TTC34: variants seen among roughly 807,000 people sequenced by gnomAD.
TTC34 encodes the protein tetratricopeptide repeat domain 34, also known as tetratricopeptide repeat protein 34.
Under a neutral mutation model 40.7 loss-of-function variants are expected in TTC34, and 44 were observed. The observed-to-expected ratio is 1.08, with a 90% CI of 0.85 to 1.39. The LOEUF is 1.39. Among genes scored for constraint, TTC34 ranks in the 40% most tolerant of loss-of-function variants. The pLI is 0.00. For missense variants in TTC34, 884 were observed against 838.0 expected (o/e 1.05, Z -0.68); for synonymous variants, 422 against 398.6 (o/e 1.06, Z -0.70).
At chr1:2,768,156 A>C (rs1641845756) in intron 6 of TTC34, among the ~76,000 whole-genome samples, 1 of 150,932 alleles carries the variant, frequency 6.6e-6, no homozygotes. Context: ...GCCTGGATCA[A>C]CACTCGAACC....
intron 6 of TTC34, among the ~76,000 whole-genome samples, chr1:2,750,565 C>A (rs1480549354): frequency 1.7e-5 from 2 of 120,552 alleles, no homozygotes; most frequent in African/African-American, 7.1e-5. Context: ...GCACCCACAC[C>A]CCCAGGTGAG....
chr1:2,642,588 A>G (rs1638929989), intron 8 of TTC34, among the ~76,000 whole-genome samples: 1 of 152,254 alleles, frequency 6.6e-6, no homozygotes, highest in Non-Finnish European at 1.5e-5. Flanking sequence ...CACAGAGTCA[A>G]CCACGACCAG....
chr1:2,778,316 T>G (rs376874524), intron 6 of TTC34, among the ~76,000 whole-genome samples: 2 of 152,354 alleles, frequency 1.3e-5, no homozygotes, highest in African/African-American at 4.8e-5. Flanking sequence ...AACACTGCTC[T>G]TGGCTGGGAA....
chr1:2,694,055 A>G (rs1316705962), intron 6 of TTC34, among the ~76,000 whole-genome samples: 1 of 58,462 alleles, frequency 1.7e-5, no homozygotes, highest in African/African-American at 6.3e-5. Flanking sequence ...ACAGCACGTA[A>G]CAGCACCCAC....
intron 6 of TTC34, among the ~76,000 whole-genome samples, chr1:2,681,763 G>C (rs200256096): frequency 6.8e-3 from 295 of 43,196 alleles, no homozygotes; most frequent in Non-Finnish European, 0.011. Context: ...GAGCATCTGA[G>C]AGCCTGGGTC....
intron 6 of TTC34, among the ~76,000 whole-genome samples, chr1:2,685,361 C>A (rs1240229688): frequency 1.4e-5 from 2 of 140,796 alleles, no homozygotes; most frequent in Non-Finnish European, 3.0e-5. Flanking sequence ...ACCCACACCC[C>A]TAGGTGAGCA....
intron 6 of TTC34, among the ~76,000 whole-genome samples, chr1:2,654,535 C>G (rs573799792): frequency 1.8e-4 from 27 of 151,952 alleles, no homozygotes; most frequent in African/African-American, 6.6e-4. Flanking sequence ...ATCCACACCC[C>G]CAGGCGAGCA....
At chr1:2,787,756 A>C in intron 3 of TTC34, 50 bp from the exon 4 acceptor site, 1 of 1,419,594 alleles carries the variant, frequency 7.0e-7, no homozygotes, top group South Asian at 1.4e-5. Context: ...CAACCCCTCC[A>C]CCTGCCCAGG....
intron 2 of TTC34, among the ~76,000 whole-genome samples, chr1:2,792,538 T>C (rs1266693832): frequency 6.6e-6 from 1 of 152,248 alleles, no homozygotes; most frequent in Non-Finnish European, 1.5e-5. Flanking sequence ...AGTTTTGTTT[T>C]AGTAGCAGTG....
Position 2,681,596 on chromosome 1 carries a change from G to A in TTC34, c.2227-36033C>T, listed in dbSNP as rs1267189964. The stretch of plus-strand genomic sequence containing the variant: ...GAGCAGCATCCACACCCACAGGTGA[G>A]CATCAGACAGCCTGGAACCGCAGCC... On this transcript the variant is annotated intron_variant, in intron 6 of 8. Transcript: ENST00000401095. 8.6e-5 allele frequency among the ~76,000 whole-genome samples: 5 copies of A among 57,974 alleles called. 1 individual carries two copies. The highest frequency in any genetic ancestry group is 3.4e-4 in the African/African-American group (5 of 14,592). 38.0% of individuals were successfully genotyped at this position (57,974 alleles called of 152,430 possible).
At chr1:2,675,360 A>T (rs1467958204) in intron 6 of TTC34, among the ~76,000 whole-genome samples, 1 of 126,508 alleles carries the variant, frequency 7.9e-6, no homozygotes, top group Non-Finnish European at 1.8e-5. Context: ...CAGCACCCAC[A>T]CGCCCAGGTG....
intron 6 of TTC34, among the ~76,000 whole-genome samples, chr1:2,768,098 G>T (rs562351094): frequency 1.2e-4 from 18 of 151,316 alleles, no homozygotes; most frequent in South Asian, 8.5e-4. Flanking sequence ...CCAGGTAAGT[G>T]TCTGACAGCC....
intron 6 of TTC34, among the ~76,000 whole-genome samples, chr1:2,649,848 C>T (rs1161224068): frequency 6.6e-6 from 1 of 152,144 alleles, no homozygotes; most frequent in Non-Finnish European, 1.5e-5. Context: ...ACCTCACACC[C>T]TCAGGTGAGC....
chr1:2,800,559 G>A (rs1643760850), exon 2 of TTC34: 2 of 398,274 alleles, frequency 5.0e-6, no homozygotes, highest in Non-Finnish European at 4.4e-6. Flanking sequence ...GAAGGCAGAG[G>A]CCAGCGACCC....
At chr1:2,655,202 C>A (rs1158578759) in intron 6 of TTC34, among the ~76,000 whole-genome samples, 2 of 66,598 alleles carry the variant, frequency 3.0e-5, no homozygotes, top group Non-Finnish European at 5.8e-5. Context: ...TATCCTGGAA[C>A]AGCACCCACA....
exon 9 of TTC34, chr1:2,641,369 C>T: frequency 6.7e-7 from 1 of 1,502,798 alleles, no homozygotes. Flanking sequence ...CAGGCCCAGT[C>T]ACTGTAGCCA....
At chr1:2,759,954 A>AGCG (rs1641640620) in intron 6 of TTC34, among the ~76,000 whole-genome samples, 1 of 139,104 alleles carries the variant, frequency 7.2e-6, no homozygotes, top group Non-Finnish European at 1.5e-5. Context: ...CTGGAAAGGC[A>AGCG]CCCACACCAC....
intron 6 of TTC34, among the ~76,000 whole-genome samples, chr1:2,756,289 C>T (rs1282099095): frequency 1.4e-4 from 9 of 64,864 alleles, no homozygotes; most frequent in South Asian, 7.3e-4. Context: ...ATCCGACATC[C>T]TGAAACAGCT....
chr1:2,677,620 A>T (rs1639957151), intron 6 of TTC34, among the ~76,000 whole-genome samples: 1 of 150,554 alleles, frequency 6.6e-6, no homozygotes, highest in South Asian at 2.1e-4. Flanking sequence ...CCCCCAGGTG[A>T]GCATCTGACA....
Sources: allele counts gnomAD v4.1 joint callset (sites outside exome capture counted in the v4.1 genomes callset), GRCh38; gene constraint gnomAD v4.1.1; transcripts MANE v1.5; gene names NCBI Gene and HGNC (gene_info 2026-07-23, HGNC 2026-07-21).